SEC31A: variants seen among roughly 807,000 people sequenced by gnomAD.
The protein encoded by SEC31A is protein transport protein Sec31A.
In SEC31A, 70 loss-of-function variants were observed where a neutral mutation model predicts 151.0. That is an observed-to-expected ratio of 0.46 (90% confidence interval 0.38 to 0.57). SEC31A has a LOEUF of 0.57. Ranked by LOEUF, SEC31A falls within the 20% of genes least tolerant of loss-of-function variation. The pLI, the probability that SEC31A is intolerant of heterozygous loss-of-function variation, is 0.00. For synonymous variants in SEC31A, 475 were observed against 505.9 expected (o/e 0.94, Z 0.82); for missense variants, 1,330 against 1,471.2 (o/e 0.90, Z 1.57).
At position 82,819,262 on chromosome 4, in the gene SEC31A, A is replaced by G. The variant is rs1171863239; in HGVS notation, c.3484-9T>C. 1 of 1,551,808 alleles carries G rather than the reference A, an allele frequency of 6.4e-7. No individual in the cohort carries two copies. The highest frequency in any genetic ancestry group is 1.4e-5 in the African/African-American group (1 of 73,294). ...GTGATTGTTGGTGAAAGCTGAAACA[A>G]AAGTGAACCAAGAGAAAGAATTAAA... is the stretch of plus-strand genomic sequence containing the variant. On this transcript the variant is annotated splice_polypyrimidine_tract_variant and intron_variant, in intron 26 of 26. Transcript: ENST00000395310.
intron 2 of SEC31A, 69 bp downstream of exon 2, chr4:82,881,789 A>G (rs752557114): frequency 2.7e-4 from 328 of 1,196,864 alleles, no homozygotes; most frequent in Non-Finnish European, 3.6e-4. Context: ...TAAAGCTTAA[A>G]CTGAATAAGC....
chr4:82,863,476 G>T lies in SEC31A; in HGVS notation c.1435-84C>A, dbSNP rs566960326. 101 of 729,338 alleles carry T rather than the reference G, an allele frequency of 1.4e-4. 3 individuals are homozygous for T. The South Asian group carries it at 1.9e-3, about 14-fold the overall frequency. 45.2% of individuals were successfully genotyped at this position (729,338 alleles called of 1,614,324 possible). On this transcript the variant is annotated intron_variant, in intron 11 of 26. Coordinates refer to ENST00000395310, the MANE Select transcript of SEC31A (RefSeq NM_001077207.4). ...ATAAGAATGAATCAAATTCCAAAGA[G>T]AATTATTAAAAATATCTGAAGTCTA...
At chr4:82,845,461 A>AAAAAAC (rs1729854983) in intron 20 of SEC31A, among the ~76,000 whole-genome samples, 1 of 151,760 alleles carries the variant, frequency 6.6e-6, no homozygotes, top group Non-Finnish European at 1.5e-5. Flanking sequence ...GAATTCCCAA[A>AAAAAAC]AAAACAAAAC....
At chr4:82,851,718 T>A in intron 18 of SEC31A, 114 bp from the exon 19 acceptor site, 1 of 828,036 alleles carries the variant, frequency 1.2e-6, no homozygotes, top group Non-Finnish European at 1.9e-6. Context: ...ATAGTACCTG[T>A]TATCATCCCT....
intron 20 of SEC31A, among the ~76,000 whole-genome samples, chr4:82,847,181 G>T (rs1230641094): frequency 6.6e-6 from 1 of 152,162 alleles, no homozygotes; most frequent in Non-Finnish European, 1.5e-5. Flanking sequence ...CGCAGGGTCG[G>T]TACCCCTAAC....
chr4:82,882,290 C>A (rs1739544319), intron 1 of SEC31A, among the ~76,000 whole-genome samples: 1 of 151,252 alleles, frequency 6.6e-6, no homozygotes. Context: ...GTAGTCCCAG[C>A]TACTCAGGAG....
chr4:82,845,329 A>G lies in SEC31A; in HGVS notation c.2503-820T>C, dbSNP rs1460246242. ...CAAAGAAATACCAATCACAGAAAAT[A>G]AAAAATGAAAACGTTAAAAGAAGAA... On this transcript the variant is annotated intron_variant, in intron 20 of 26. Transcript: ENST00000395310. The G allele has an allele frequency of 4.1e-6, 5 of 1,219,224 alleles. No homozygotes were observed. The Admixed American group carries it at 1.5e-4, about 38-fold the overall frequency. 75.5% of individuals were successfully genotyped at this position (1,219,224 alleles called of 1,614,324 possible).
At position 82,862,621 on chromosome 4, in the gene SEC31A, GC is replaced by G. The variant is rs749166900; in HGVS notation, c.1510-50del. ...CTACTACATGGAATTCTATTTCAGAGCATCCAGCAAATGTTCACCTCTTGCT... is the reference window on the plus strand; with the variant it reads ...CTACTACATGGAATTCTATTTCAGAGATCCAGCAAATGTTCACCTCTTGCT... On this transcript the variant is annotated intron_variant, in intron 12 of 26. Coordinates refer to ENST00000395310, the MANE Select transcript of SEC31A (RefSeq NM_001077207.4). 6 of 1,526,022 alleles carry G rather than the reference GC, an allele frequency of 3.9e-6. No homozygotes were observed. In the East Asian group the frequency reaches 1.3e-4, roughly 34 times the overall value. 94.5% of individuals were successfully genotyped at this position (1,526,022 alleles called of 1,614,324 possible). A position where few individuals can be genotyped will look rare whatever the true frequency, so the allele number is the denominator to read the frequency against.
rs189342570 is a variant in SEC31A, at chr4:82,866,982, T to A, written c.1045-22A>T. The A allele has an allele frequency of 3.7e-5, 59 of 1,603,998 alleles. No homozygotes were observed. In the East Asian group the frequency reaches 1.3e-3, roughly 35 times the overall value. On this transcript the variant is annotated intron_variant, in intron 9 of 26. Transcript: ENST00000395310. ...AAAGCTAAAAAAGATAATAATAACA[T>A]AAGCATCCGACCATACACAAAGTTT...
At chr4:82,882,186 G>A (rs913600955) in intron 1 of SEC31A, among the ~76,000 whole-genome samples, 1 of 151,978 alleles carries the variant, frequency 6.6e-6, no homozygotes, top group Non-Finnish European at 1.5e-5. Flanking sequence ...GGCGGATCAC[G>A]AGGTCAGGAG....
chr4:82,880,999 A>C, intron 2 of SEC31A, 77 bp from the exon 3 acceptor site: 1 of 1,290,428 alleles, frequency 7.7e-7, no homozygotes, highest in Admixed American at 2.1e-5. Flanking sequence ...AGAAGTTAAA[A>C]GCATGTTTTC....
chr4:82,821,449 G>A, intron 25 of SEC31A: 1 of 184,986 alleles, frequency 5.4e-6, no homozygotes, highest in African/African-American at 2.5e-5. Flanking sequence ...TCGGAAGGCT[G>A]AGGCAGGAGA....
At position 82,820,133 on chromosome 4, in the gene SEC31A, GTTTTTTTTT is replaced by G. The variant is rs34724288; in HGVS notation, c.3484-889_3484-881del. On this transcript the variant is annotated intron_variant, in intron 26 of 26. Coordinates refer to ENST00000395310, the MANE Select transcript of SEC31A (RefSeq NM_001077207.4). ...GATGTATACGCTAATTGTATCTTCT[GTTTTTTTTT>G]TTTTTTTTTGGAAATGCGGTCTTGC... is the stretch of plus-strand genomic sequence containing the variant. Among the ~76,000 whole-genome samples, 4 of 113,784 alleles carry G rather than the reference GTTTTTTTTT, an allele frequency of 3.5e-5. No homozygotes were observed. The East Asian group carries it at 9.7e-4, about 28-fold the overall frequency. The allele number at this position is 113,784 out of a possible 152,430, so 74.6% of individuals were successfully genotyped here. A position where few individuals can be genotyped will look rare whatever the true frequency, so the allele number is the denominator to read the frequency against.
chr4:82,819,269 A>G lies in SEC31A; in HGVS notation c.3484-16T>C. The G allele has an allele frequency of 1.9e-6, 3 of 1,540,376 alleles. No individual in the cohort carries two copies. The South Asian group carries it at 3.9e-5, about 20-fold the overall frequency. On this transcript the variant is annotated splice_polypyrimidine_tract_variant and intron_variant, in intron 26 of 26. Transcript: ENST00000395310. ...TTGGTGAAAGCTGAAACAAAAGTGA[A>G]CCAAGAGAAAGAATTAAATTAAGGG...
chr4:82,859,281 T>C (rs974927419), intron 14 of SEC31A, among the ~76,000 whole-genome samples: 1 of 152,206 alleles, frequency 6.6e-6, no homozygotes, highest in African/African-American at 2.4e-5. Context: ...CACAGTTCTG[T>C]TATAAATTTC....
chr4:82,837,199 A>ATATTT (rs56888042), intron 22 of SEC31A, among the ~76,000 whole-genome samples: 2 of 83,132 alleles, frequency 2.4e-5, no homozygotes, highest in Non-Finnish European at 4.9e-5. Flanking sequence ...ATATATATAT[A>ATATTT]ATTTCACCAC....
intron 6 of SEC31A, 49 bp downstream of exon 6, chr4:82,874,562 C>T (rs767550151): frequency 9.2e-6 from 14 of 1,518,682 alleles, no homozygotes; most frequent in African/African-American, 1.4e-5. Flanking sequence ...TATAGGAATA[C>T]CTACAGCAGA....
chr4:82,846,660 T>A (rs1730288467), intron 20 of SEC31A, among the ~76,000 whole-genome samples: 1 of 152,096 alleles, frequency 6.6e-6, no homozygotes, highest in Non-Finnish European at 1.5e-5. Context: ...TATTTTCTCT[T>A]CCTTATGATT....
At chr4:82,831,058 C>T (rs1725828881) in intron 22 of SEC31A, 2 of 391,028 alleles carry the variant, frequency 5.1e-6, no homozygotes, top group South Asian at 4.5e-5. Context: ...GTTTCTTCTC[C>T]CTTCATTAAT....
Sources: gnomAD v4.1 joint callset for allele counts (sites outside exome capture counted in the v4.1 genomes callset) on GRCh38, gnomAD v4.1.1 for gene constraint, MANE v1.5 for transcripts, NCBI Gene and HGNC (gene_info 2026-07-23, HGNC 2026-07-21) for gene names.